The following RANBP2 variants were observed in gnomAD, a reference collection of about 807,000 sequenced individuals.
RANBP2 encodes E3 SUMO-protein ligase RanBP2.
RANBP2 carries 57 observed loss-of-function variants against 303.6 expected under a neutral mutation model. That is an observed-to-expected ratio of 0.19 (90% CI 0.15 to 0.23). RANBP2 has a LOEUF of 0.23. Among genes scored for constraint, RANBP2 ranks in the 10% least tolerant of loss-of-function variants. RANBP2 has a pLI of 1.00. For missense variants in RANBP2, 3,138 were observed against 3,780.8 expected (o/e 0.83, Z 4.46); for synonymous variants, 1,167 against 1,301.5 (o/e 0.90, Z 2.23).
the RANBP2 span, among the ~76,000 whole-genome samples, chr2:109,217,087 T>A: frequency 1.3e-5 from 2 of 152,236 alleles, no homozygotes; most frequent in East Asian, 1.9e-4. Context: ...GGCTCATTCA[T>A]GCTGCAGTGT....
the RANBP2 span, chr2:108,930,001 G>T: frequency 7.9e-7 from 1 of 1,272,862 alleles, no homozygotes; most frequent in Non-Finnish European, 1.1e-6. Flanking sequence ...GAGCGTGACC[G>T]GCTGGTTTGA....
the RANBP2 span, among the ~76,000 whole-genome samples, chr2:109,338,569 A>G: frequency 6.6e-6 from 1 of 151,638 alleles, no homozygotes; most frequent in Non-Finnish European, 1.5e-5. Context: ...TTTTATTTTT[A>G]TTTTTTGAGA....
chr2:109,653,753 G>A, the RANBP2 span, among the ~76,000 whole-genome samples: 1 of 152,100 alleles, frequency 6.6e-6, no homozygotes, highest in African/African-American at 2.4e-5. Flanking sequence ...ATATGCCAGG[G>A]AAGTCCTGGC....
the RANBP2 span, among the ~76,000 whole-genome samples, chr2:108,868,737 G>T: frequency 1.3e-5 from 2 of 152,014 alleles, no homozygotes; most frequent in Admixed American, 6.6e-5. Context: ...GCTTTGTTAT[G>T]TAGAGCCTTT....
the RANBP2 span, among the ~76,000 whole-genome samples, chr2:109,241,073 T>C: frequency 3.3e-5 from 5 of 152,210 alleles, no homozygotes; most frequent in African/African-American, 1.2e-4. Context: ...TTAAAATAAG[T>C]GGCCTTAGTA....
the RANBP2 span, among the ~76,000 whole-genome samples, chr2:109,178,898 GAA>G: frequency 3.3e-5 from 5 of 152,132 alleles, no homozygotes; most frequent in Admixed American, 2.6e-4. Context: ...AACCTCCTGA[GAA>G]AGTAGTTATG....
At chr2:108,958,413 A>AC in the RANBP2 span, among the ~76,000 whole-genome samples, 2 of 151,602 alleles carry the variant, frequency 1.3e-5, no homozygotes, top group African/African-American at 4.9e-5. Context: ...CAGCAGGAAA[A>AC]AAAAAACAAA....
At chr2:108,738,542 A>G (rs552533170) in intron 6 of RANBP2, among the ~76,000 whole-genome samples, 54 of 151,930 alleles carry the variant, frequency 3.6e-4, no homozygotes, top group Non-Finnish European at 7.1e-4. Context: ...GGTTATTTCT[A>G]TCAGTGTTTA....
At chr2:108,841,607 C>G in the RANBP2 span, among the ~76,000 whole-genome samples, 1 of 151,572 alleles carries the variant, frequency 6.6e-6, no homozygotes, top group Non-Finnish European at 1.5e-5. Context: ...TTTTCCCAGT[C>G]TTTTTCTTTT....
the RANBP2 span, among the ~76,000 whole-genome samples, chr2:109,723,145 C>G: frequency 6.6e-6 from 1 of 151,920 alleles, no homozygotes; most frequent in Admixed American, 6.6e-5. Context: ...TATTGGCATT[C>G]TTTTTTTTCT....
the RANBP2 span, among the ~76,000 whole-genome samples, chr2:109,468,302 G>C: frequency 7.9e-4 from 120 of 152,278 alleles, 1 homozygote; most frequent in African/African-American, 2.6e-3. Context: ...CAAGTACCGT[G>C]TGTCTAAATA....
the RANBP2 span, among the ~76,000 whole-genome samples, chr2:109,156,543 TC>T: frequency 6.6e-6 from 1 of 152,058 alleles, no homozygotes; most frequent in African/African-American, 2.4e-5. Flanking sequence ...CCTCCTGAGT[TC>T]AAGCGATTCT....
the RANBP2 span, among the ~76,000 whole-genome samples, chr2:108,931,912 C>A: frequency 6.6e-6 from 1 of 152,244 alleles, no homozygotes; most frequent in South Asian, 2.1e-4. Flanking sequence ...CACAACAAAA[C>A]AGCAAGTACT....
rs1434027217 is a variant in RANBP2, at chr2:108,719,575, T to C, written c.-32T>C. ...ACTGCTGCGGGCCTGAGCGCTGGTC[T>C]CACGCGCCTCGGGAGCCAGGTTGGC... On this transcript the variant is annotated 5_prime_UTR_variant, in exon 1 of 29. Coordinates refer to ENST00000283195, the MANE Select transcript of RANBP2 (RefSeq NM_006267.5). The C allele has an allele frequency of 6.9e-6, 11 of 1,590,002 alleles. No individual in the cohort carries two copies. The highest frequency in any genetic ancestry group is 7.7e-6 in the Non-Finnish European group (9 of 1,170,140).
At chr2:108,992,120 A>C in the RANBP2 span, among the ~76,000 whole-genome samples, 2 of 152,184 alleles carry the variant, frequency 1.3e-5, no homozygotes. Flanking sequence ...TCTTAATTAC[A>C]AATCTCATGT....
chr2:109,129,499 G>A, the RANBP2 span: 1 of 1,495,096 alleles, frequency 6.7e-7, no homozygotes, highest in Admixed American at 2.1e-5. Context: ...GCCGGCCCCG[G>A]GACCTAGGCA....
the RANBP2 span, among the ~76,000 whole-genome samples, chr2:109,060,848 G>A: frequency 1.3e-5 from 2 of 151,882 alleles, no homozygotes; most frequent in Non-Finnish European, 2.9e-5. Context: ...TGTTATATGT[G>A]TCATATATAT....
chr2:109,148,952 C>T, the RANBP2 span, among the ~76,000 whole-genome samples: 1 of 152,178 alleles, frequency 6.6e-6, no homozygotes, highest in Non-Finnish European at 1.5e-5. Context: ...GTGGAGCAGA[C>T]AGAGCCCAGG....
the RANBP2 span, among the ~76,000 whole-genome samples, chr2:109,680,302 A>G: frequency 6.6e-6 from 1 of 151,758 alleles, no homozygotes; most frequent in African/African-American, 2.4e-5. Context: ...GCAGTGAGCC[A>G]AGATCACGCC....
Sources: gnomAD v4.1 joint callset for allele counts (sites outside exome capture counted in the v4.1 genomes callset) on GRCh38, gnomAD v4.1.1 for gene constraint, MANE v1.5 for transcripts, NCBI Gene and HGNC (gene_info 2026-07-23, HGNC 2026-07-21) for gene names.